ZNF563: variants seen among roughly 807,000 people sequenced by gnomAD.
The protein encoded by ZNF563 is zinc finger protein 563.
Under a neutral mutation model 48.5 loss-of-function variants are expected in ZNF563, and 39 were observed. That is an observed-to-expected ratio of 0.80 (90% CI 0.62 to 1.05). ZNF563 has a LOEUF of 1.05. Ranked by LOEUF, ZNF563 falls within the 50% of genes least tolerant of loss-of-function variation. The pLI is 0.00. For synonymous variants in ZNF563, 168 were observed against 187.9 expected (o/e 0.89, Z 0.87); for missense variants, 538 against 597.0 (o/e 0.90, Z 1.03).
chr19:12,340,462 C>T, the ZNF563 span, among the ~76,000 whole-genome samples: 9 of 152,128 alleles, frequency 5.9e-5, no homozygotes, highest in African/African-American at 1.7e-4. Flanking sequence ...ATAGTGAGAC[C>T]CTATGTCAAA....
upstream of ZNF563, among the ~76,000 whole-genome samples, chr19:12,336,363 C>T (rs1278838358): frequency 3.3e-5 from 5 of 151,948 alleles, no homozygotes; most frequent in Admixed American, 3.3e-4. Context: ...GAGGCTGAGG[C>T]GGGCAGATCA....
the ZNF563 span, chr19:12,346,404 A>C: frequency 6.6e-6 from 1 of 152,232 alleles, no homozygotes; most frequent in African/African-American, 2.4e-5. Context: ...AGCAGTACAG[A>C]ACCATTAATT....
chr19:12,346,603 A>T, the ZNF563 span: 2 of 152,362 alleles, frequency 1.3e-5, no homozygotes, highest in Non-Finnish European at 2.9e-5. Flanking sequence ...ATATATCCAA[A>T]AGAATTGAAA....
At chr19:12,334,699 T>A (rs1266153341), upstream of ZNF563, among the ~76,000 whole-genome samples, 1 of 151,672 alleles carries the variant, frequency 6.6e-6, no homozygotes, top group East Asian at 1.9e-4. Flanking sequence ...TGAAACCACA[T>A]CTCTACTAAA....
upstream of ZNF563, among the ~76,000 whole-genome samples, chr19:12,334,996 T>C (rs1159026386): frequency 6.6e-6 from 1 of 152,074 alleles, no homozygotes; most frequent in Non-Finnish European, 1.5e-5. Flanking sequence ...TATGTGCAGC[T>C]TCGTGCTACG....
At chr19:12,327,078 T>C (rs981842594) in intron 1 of ZNF563, among the ~76,000 whole-genome samples, 1 of 152,090 alleles carries the variant, frequency 6.6e-6, no homozygotes, top group African/African-American at 2.4e-5. Context: ...ATGTATCCTA[T>C]GGAATTCACT....
At position 12,333,564 on chromosome 19, in the gene ZNF563, A is replaced by T. The variant is rs1968976618; in HGVS notation, c.-82T>A. The stretch of plus-strand genomic sequence containing the variant: ...GTCCCACTGTGACAGAGGCTGCCAC[A>T]GACGTTCCAGGGCGTCTCTCAGCGA... On this transcript the variant is annotated 5_prime_UTR_variant, in exon 1 of 4. Transcript: ENST00000293725. The T allele has an allele frequency of 6.3e-7, 1 of 1,588,616 alleles. No individual in the cohort carries two copies. Among genetic ancestry groups the T allele is most frequent in the Admixed American group, 1.7e-5 (1 of 57,808 alleles).
chr19:12,342,979 C>T, the ZNF563 span, among the ~76,000 whole-genome samples: 2 of 150,904 alleles, frequency 1.3e-5, no homozygotes, highest in South Asian at 2.1e-4. Flanking sequence ...GGGTGGATCA[C>T]GAGGTCAGGA....
intron 1 of ZNF563, among the ~76,000 whole-genome samples, chr19:12,323,970 T>G (rs896101619): frequency 6.6e-6 from 1 of 152,332 alleles, no homozygotes; most frequent in South Asian, 2.1e-4. Context: ...AGAAGGTCAA[T>G]GAGAGAATGT....
intron 1 of ZNF563, among the ~76,000 whole-genome samples, chr19:12,326,499 C>T (rs1252981662): frequency 6.6e-6 from 1 of 152,032 alleles, no homozygotes; most frequent in Non-Finnish European, 1.5e-5. Context: ...CAAAAATTAG[C>T]CAGGTGTGGT....
Position 12,327,288 on chromosome 19 carries a change from C to T in ZNF563, c.4-4577G>A, listed in dbSNP as rs929614995. 4.0e-5 allele frequency among the ~76,000 whole-genome samples: 6 copies of T among 151,678 alleles called. No homozygotes were observed. The East Asian group carries it at 1.2e-3, about 29-fold the overall frequency. On this transcript the variant is annotated intron_variant, in intron 1 of 3. Coordinates refer to ENST00000293725, the MANE Select transcript of ZNF563 (RefSeq NM_145276.3). ...CAGCCTGGCCAACATGGTGAAACCT[C>T]GTCTTTACTAAAAATATAAAAATTA...
At position 12,321,258 on chromosome 19, in the gene ZNF563, T is replaced by C. The variant is rs1451754949; in HGVS notation, c.191+14A>G. The C allele has an allele frequency of 6.4e-7, 1 of 1,552,410 alleles. No homozygotes were observed. Among genetic ancestry groups the C allele is most frequent in the Non-Finnish European group, 8.7e-7 (1 of 1,144,146 alleles). On this transcript the variant is annotated intron_variant, in intron 3 of 3. Coordinates refer to ENST00000293725, the MANE Select transcript of ZNF563 (RefSeq NM_145276.3). ...ACTTCAGAAACATAACTTTCTCCTG[T>C]GAGTGCAAATTACCTTAGATTTCTC...
Position 12,333,498 on chromosome 19 carries a change from A to T in ZNF563, c.-16T>A. 2.5e-6 allele frequency: 4 copies of T among 1,613,578 alleles called. No individual in the cohort carries two copies. Among genetic ancestry groups the T allele is most frequent in the Non-Finnish European group, 3.4e-6 (4 of 1,179,790 alleles). The stretch of plus-strand genomic sequence containing the variant: ...CACGCACCATTTCCCGGCTTCCGGG[A>T]TGTTCCAGGGTCCTCCCTCTGCCTC... On this transcript the variant is annotated 5_prime_UTR_variant, in exon 1 of 4. Coordinates refer to ENST00000293725, the MANE Select transcript of ZNF563 (RefSeq NM_145276.3).
chr19:12,319,787 A>G lies in ZNF563; in HGVS notation c.238T>C (p.Cys80Arg), dbSNP rs1285782553. ...RFSESKDSSQ[C>R]GETFSLIRDS... ...CGAATGAGGCTAAATGTTTCTCCAC[A>G]CTGACTACTGTCTTTACTTTCACTG... The change falls in exon 4 of 4, where the codon TGT (cysteine) becomes CGT (arginine). Residue 80 changes from cysteine (C) to arginine (R), a missense_variant. By Grantham distance (180) the Cys-to-Arg change is radical. Transcript: ENST00000293725. 3.7e-6 allele frequency: 6 copies of G among 1,613,872 alleles called. No homozygotes were observed. The highest frequency in any genetic ancestry group is 5.1e-6 in the Non-Finnish European group (6 of 1,179,954).
intron 1 of ZNF563, among the ~76,000 whole-genome samples, chr19:12,330,094 T>C (rs551405596): frequency 3.9e-5 from 6 of 152,246 alleles, no homozygotes; most frequent in Middle Eastern, 3.4e-3. Context: ...CCAATTTTTG[T>C]ATTCTTAGTA....
chr19:12,339,736 G>C, the ZNF563 span, among the ~76,000 whole-genome samples: 2 of 152,300 alleles, frequency 1.3e-5, no homozygotes, highest in South Asian at 4.1e-4. Flanking sequence ...AAGAGAGAGA[G>C]AGAAGGTGAA....
chr19:12,334,925 T>G (rs951011177), upstream of ZNF563, among the ~76,000 whole-genome samples: 1 of 143,968 alleles, frequency 6.9e-6, no homozygotes, highest in Non-Finnish European at 1.5e-5. Flanking sequence ...CTACATAAAC[T>G]GTCAAATTCA....
upstream of ZNF563, chr19:12,333,785 A>T: frequency 2.1e-6 from 1 of 467,856 alleles, no homozygotes; most frequent in Non-Finnish European, 3.8e-6. Context: ...CTGGGCACTG[A>T]GTGACAGAAG....
intron 1 of ZNF563, among the ~76,000 whole-genome samples, chr19:12,326,981 TCAAA>T (rs1968810342): frequency 6.6e-6 from 1 of 152,180 alleles, no homozygotes; most frequent in African/African-American, 2.4e-5. Context: ...GGAAGAAGTT[TCAAA>T]CAGTTTATTA....
Sources: gnomAD v4.1 joint callset for allele counts (sites outside exome capture counted in the v4.1 genomes callset) on GRCh38, gnomAD v4.1.1 for gene constraint, MANE v1.5 for transcripts, NCBI Gene and HGNC (gene_info 2026-07-23, HGNC 2026-07-21) for gene names.